The following ARID2 variants were observed in gnomAD, a reference collection of about 807,000 sequenced individuals.
ARID2 encodes AT-rich interaction domain 2.
A neutral mutation model predicts 184.6 loss-of-function variants in ARID2; 32 were observed. The observed-to-expected ratio is 0.17, with a 90% CI of 0.13 to 0.23. The LOEUF is 0.23. Among genes scored for constraint, ARID2 ranks in the 10% least tolerant of loss-of-function variants. The probability of loss-of-function intolerance (pLI) is 1.00; values close to 1 mark genes in which losing one functional copy is unlikely to be tolerated. For missense variants in ARID2, 1,696 were observed against 2,197.6 expected (o/e 0.77, Z 4.56); for synonymous variants, 836 against 772.6 (o/e 1.08, Z -1.36).
Position 45,851,917 on chromosome 12 carries a change from T to G in ARID2, c.3794T>G (p.Val1265Gly), listed in dbSNP as rs2138174617. 6.2e-7 allele frequency: 1 copy of G among 1,614,142 alleles called. No individual in the cohort carries two copies. The highest frequency in any genetic ancestry group is 8.5e-7 in the Non-Finnish European group (1 of 1,180,014). The stretch of plus-strand genomic sequence containing the variant: ...CATGTTCATGAACGTAAAATTGAAG[T>G]CATGGAGAACCCGTCCTGCCGACGA... The part of the protein sequence containing the change: ...GLHVHERKIE[V>G]MENPSCRRGA... Residue 1265 changes from valine to glycine, a missense_variant, in exon 15 of 21, where the codon GTC becomes GGC. Val to Gly is a moderately radical substitution (Grantham distance 109). This residue lies in a region of ARID2 where 428 missense variants were observed against 409.1 expected (regional missense o/e 1.05). Coordinates refer to ENST00000334344, the MANE Select transcript of ARID2 (RefSeq NM_152641.4).
chr12:45,835,911 A>G (rs552939702), intron 6 of ARID2, among the ~76,000 whole-genome samples: 1 of 151,846 alleles, frequency 6.6e-6, no homozygotes, highest in Non-Finnish European at 1.5e-5. Flanking sequence ...AAAAAAAAAA[A>G]CAAAAACAAA....
chr12:45,738,696 T>C (rs1219408252), intron 3 of ARID2, among the ~76,000 whole-genome samples: 1 of 151,748 alleles, frequency 6.6e-6, no homozygotes, highest in Non-Finnish European at 1.5e-5. Context: ...AGGAAAAATA[T>C]TCTTTCTTTT....
intron 3 of ARID2, among the ~76,000 whole-genome samples, chr12:45,769,894 T>A (rs1941836467): frequency 6.6e-6 from 1 of 152,060 alleles, no homozygotes; most frequent in Admixed American, 6.6e-5. Context: ...GATCAAGGGC[T>A]TAAAGGGGAA....
chr12:45,904,689 CAAA>C (rs755707280), intron 20 of ARID2, among the ~76,000 whole-genome samples: 3 of 35,686 alleles, frequency 8.4e-5, no homozygotes, highest in East Asian at 1.1e-3. Flanking sequence ...GACTCCTTCT[CAAA>C]AAAAAAAAAA....
At chr12:45,818,376 T>A (rs879478726) in intron 5 of ARID2, among the ~76,000 whole-genome samples, 20 of 152,192 alleles carry the variant, frequency 1.3e-4, no homozygotes, top group Admixed American at 1.3e-3. Flanking sequence ...ATTCTTCATC[T>A]CTTCTGAAAT....
intron 6 of ARID2, 37 bp from the exon 7 acceptor site, chr12:45,836,552 T>G (rs1224656871): frequency 1.3e-6 from 2 of 1,570,414 alleles, no homozygotes; most frequent in East Asian, 2.3e-5. Flanking sequence ...GAATAGTTGT[T>G]TCAAATCATG....
At position 45,848,866 on chromosome 12, in the gene ARID2, T is replaced by G. The variant is rs746059732; in HGVS notation, c.1611T>G (p.Asp537Glu). Residue 537 changes from aspartate to glutamate, a missense_variant, in exon 13 of 21, where the codon GAT becomes GAG. Transcript: ENST00000334344. Reference protein sequence around the residue: ...WLNAHFEVNPDCSVSRAEMYS... With the variant: ...WLNAHFEVNPECSVSRAEMYS... ...ATGCTCATTTTGAAGTAAATCCAGA[T>G]TGTTCTGTTTCTCGAGCAGAAATGT... is the stretch of plus-strand genomic sequence containing the variant. The G allele has an allele frequency of 1.9e-6, 3 of 1,611,926 alleles. No homozygotes were observed. Among genetic ancestry groups the G allele is most frequent in the Non-Finnish European group, 2.5e-6 (3 of 1,178,788 alleles).
rs557581349 is a variant in ARID2, at chr12:45,751,111, A to G, written c.284+19797A>G. ...GAAAGGAGACAAATAAGAGTATGCT[A>G]GCTAATAGCACAAGGAGAAAAATAA... On this transcript the variant is annotated intron_variant, in intron 3 of 20. Coordinates refer to ENST00000334344, the MANE Select transcript of ARID2 (RefSeq NM_152641.4). Among the ~76,000 whole-genome samples the G allele has an allele frequency of 5.9e-5, 9 of 152,330 alleles. No homozygotes were observed. The South Asian group carries it at 1.9e-3, about 32-fold the overall frequency.
At chr12:45,896,559 T>C (rs1037660070) in intron 20 of ARID2, among the ~76,000 whole-genome samples, 3 of 152,224 alleles carry the variant, frequency 2.0e-5, no homozygotes, top group East Asian at 1.9e-4. Context: ...ATGTGAGACG[T>C]ACTTTTCACT....
At chr12:45,788,831 T>C (rs1942242024) in intron 3 of ARID2, among the ~76,000 whole-genome samples, 1 of 152,216 alleles carries the variant, frequency 6.6e-6, no homozygotes, top group African/African-American at 2.4e-5. Context: ...GAATAGATGC[T>C]CACCTATCCA....
At chr12:45,788,573 A>T (rs563624759) in intron 3 of ARID2, among the ~76,000 whole-genome samples, 1 of 152,296 alleles carries the variant, frequency 6.6e-6, no homozygotes, top group South Asian at 2.1e-4. Flanking sequence ...CTACGATTTG[A>T]TTAAGAAGTA....
At position 45,851,171 on chromosome 12, in the gene ARID2, A is replaced by G. The variant is rs755784801; in HGVS notation, c.3048A>G (p.Gln1016=). 5 of 1,614,122 alleles carry G rather than the reference A, an allele frequency of 3.1e-6. No homozygotes were observed. Among genetic ancestry groups the G allele is most frequent in the Admixed American group, 1.7e-5 (1 of 60,018 alleles). The change falls in exon 15 of 21, where the codon CAA becomes CAG. Residue 1016 remains glutamine, a synonymous_variant. Transcript: ENST00000334344. ...CTGTGAAAAGGCAGCAACAGCAGCA[A>G]CATTCACCAGCACCCCCACCACAGC... ...MLSVKRQQQQ[Q]HSPAPPPQQV...
rs2138170629 is a variant in ARID2 at position 45,851,397 on chromosome 12, G to C, written c.3274G>C (p.Ala1092Pro). 6.2e-7 allele frequency: 1 copy of C among 1,614,104 alleles called. No homozygotes were observed. The highest frequency in any genetic ancestry group is 1.1e-5 in the South Asian group (1 of 91,082). Residue 1092 changes from alanine (A) to proline (P), a missense_variant, in exon 15 of 21, where the codon GCT (alanine) becomes CCT (proline). Ala to Pro is a conservative substitution (Grantham distance 27). Around this residue, in one of 11 missense-constraint regions of ARID2, gnomAD observed 713 missense variants for 824.4 expected, o/e 0.86. Coordinates refer to ENST00000334344, the MANE Select transcript of ARID2 (RefSeq NM_152641.4). ...PQIPPPNNARAPSPQVVYQVA... is the reference protein window; with the variant it reads ...PQIPPPNNARPPSPQVVYQVA... ...GATTCCTCCCCCTAATAATGCAAGAGCTCCTAGCCCTCAGGTGGTCTATCA... is the reference window on the plus strand; with the variant it reads ...GATTCCTCCCCCTAATAATGCAAGACCTCCTAGCCCTCAGGTGGTCTATCA...
At position 45,837,304 on chromosome 12, in the gene ARID2, G is replaced by T. The variant is rs377657394; in HGVS notation, c.1024-17G>T. 6.4e-7 allele frequency: 1 copy of T among 1,573,168 alleles called. No homozygotes were observed. Among genetic ancestry groups the T allele is most frequent in the Non-Finnish European group, 8.6e-7 (1 of 1,156,110 alleles). The stretch of plus-strand genomic sequence containing the variant: ...GGAAGAAGCATAGCTCAATAATAGT[G>T]TTGTTTCTTTTTCCAGCTTTTACTG... On this transcript the variant is annotated splice_polypyrimidine_tract_variant and intron_variant, in intron 8 of 20. Transcript: ENST00000334344.
intron 3 of ARID2, among the ~76,000 whole-genome samples, chr12:45,734,611 A>G (rs1941073415): frequency 6.6e-6 from 1 of 151,928 alleles, no homozygotes; most frequent in Non-Finnish European, 1.5e-5. Context: ...GGAACATTTC[A>G]TTAATTGGAC....
chr12:45,781,083 A>G lies in ARID2; in HGVS notation c.285-30335A>G, dbSNP rs4482092. On this transcript the variant is annotated intron_variant, in intron 3 of 20. Coordinates refer to ENST00000334344, the MANE Select transcript of ARID2 (RefSeq NM_152641.4). The stretch of plus-strand genomic sequence containing the variant: ...TAAAAACAGAGCTGAAAGAAATCAT[A>G]CTACTTATTTATGGCTGCATTACAA... Among the ~76,000 whole-genome samples, 164 of 152,132 alleles carry G rather than the reference A, an allele frequency of 1.1e-3. 1 individual carries two copies. The highest frequency in any genetic ancestry group is 3.8e-3 in the African/African-American group (156 of 41,502).
At chr12:45,781,789 A>G (rs888145539) in intron 3 of ARID2, among the ~76,000 whole-genome samples, 2 of 152,216 alleles carry the variant, frequency 1.3e-5, no homozygotes, top group African/African-American at 4.8e-5. Flanking sequence ...TGTATCCTAT[A>G]GATTCACAAT....
chr12:45,753,666 G>T (rs141171885), intron 3 of ARID2, among the ~76,000 whole-genome samples: 1 of 151,956 alleles, frequency 6.6e-6, no homozygotes, highest in Non-Finnish European at 1.5e-5. Context: ...GCAATAGTGC[G>T]ATTGCGTCTC....
At chr12:45,807,149 A>G (rs1942617488) in intron 3 of ARID2, among the ~76,000 whole-genome samples, 1 of 152,208 alleles carries the variant, frequency 6.6e-6, no homozygotes, top group Non-Finnish European at 1.5e-5. Context: ...TAAATGTATC[A>G]GAATTTATGA....
Sources: allele counts gnomAD v4.1 joint callset (sites outside exome capture counted in the v4.1 genomes callset), GRCh38; gene constraint gnomAD v4.1.1; regional missense constraint gnomAD v4.1.1; transcripts MANE v1.5; gene names NCBI Gene and HGNC (gene_info 2026-07-23, HGNC 2026-07-21).